ANKAR: variants seen among roughly 807,000 people sequenced by gnomAD.
ANKAR encodes ankyrin and armadillo repeat containing, also known as ankyrin and armadillo repeat-containing protein.
In ANKAR, 136 loss-of-function variants were observed where a neutral mutation model predicts 146.2. The ratio of observed to expected loss-of-function variants is 0.93; its 90% CI spans 0.81 to 1.07. ANKAR has a LOEUF of 1.07. Ranked by LOEUF, ANKAR falls within the 50% of genes least tolerant of loss-of-function variation. The pLI, the probability that ANKAR is intolerant of heterozygous loss-of-function variation, is 0.00. For synonymous variants in ANKAR, 500 were observed against 575.8 expected, an observed-to-expected ratio of 0.87 and a Z score of 1.88; for missense variants, 1,567 against 1,679.9, an observed-to-expected ratio of 0.93 and a Z score of 1.18.
chr2:189,723,131 G>A (rs2041500193), intron 12 of ANKAR, among the ~76,000 whole-genome samples: 1 of 152,102 alleles, frequency 6.6e-6, no homozygotes, highest in Non-Finnish European at 1.5e-5. Flanking sequence ...ATTAATTCCA[G>A]TGTCTTCTTT....
intron 18 of ANKAR, among the ~76,000 whole-genome samples, chr2:189,758,410 CACCCCCCCTCTCTCGG>C (rs1298507694): frequency 2.2e-4 from 34 of 151,858 alleles, no homozygotes; most frequent in African/African-American, 7.7e-4. Flanking sequence ...TGTAGCACCT[CACCCCCCCTCTCTCGG>C]TCCTGCTCCT....
chr2:189,750,265 G>T (rs1448435540), downstream of ANKAR, among the ~76,000 whole-genome samples: 1 of 152,006 alleles, frequency 6.6e-6, no homozygotes, highest in Non-Finnish European at 1.5e-5. Context: ...TATGATACAG[G>T]GCCAGAATTC....
At chr2:189,726,219 C>G (rs2041865325) in intron 12 of ANKAR, among the ~76,000 whole-genome samples, 1 of 152,128 alleles carries the variant, frequency 6.6e-6, no homozygotes, top group African/African-American at 2.4e-5. Flanking sequence ...GGGAAAATAG[C>G]AACTATACAG....
At chr2:189,722,314 G>A (rs2041359796) in intron 12 of ANKAR, among the ~76,000 whole-genome samples, 1 of 126,028 alleles carries the variant, frequency 7.9e-6, no homozygotes, top group African/African-American at 3.1e-5. Flanking sequence ...ACTCTAGCCT[G>A]GGCAACAGAG....
chr2:189,726,378 C>T (rs551629810), intron 12 of ANKAR, among the ~76,000 whole-genome samples: 4 of 152,042 alleles, frequency 2.6e-5, no homozygotes, highest in Non-Finnish European at 5.9e-5. Context: ...AACCCCTGGG[C>T]TCAAGCAGTC....
intron 17 of ANKAR, among the ~76,000 whole-genome samples, chr2:189,734,809 T>G: frequency 6.6e-6 from 1 of 151,678 alleles, no homozygotes; most frequent in East Asian, 1.9e-4. Flanking sequence ...ACTAAAGAGA[T>G]AAAAATTGGC....
intron 2 of ANKAR, among the ~76,000 whole-genome samples, chr2:189,677,549 C>T (rs989938660): frequency 1.3e-5 from 2 of 152,156 alleles, no homozygotes; most frequent in African/African-American, 2.4e-5. Flanking sequence ...ATTTGGCTTG[C>T]CATTCCTGAG....
chr2:189,730,353 G>A (rs2042292611), intron 15 of ANKAR, 142 bp from the exon 16 acceptor site: 1 of 403,442 alleles, frequency 2.5e-6, no homozygotes, highest in Non-Finnish European at 4.4e-6. Context: ...TATTAAAATA[G>A]TGTCAATATA....
At chr2:189,721,498 A>C (rs944537167) in intron 12 of ANKAR, among the ~76,000 whole-genome samples, 14 of 152,258 alleles carry the variant, frequency 9.2e-5, no homozygotes, top group African/African-American at 3.4e-4. Context: ...GCTATTTTGC[A>C]AGTGACAACA....
intron 9 of ANKAR, among the ~76,000 whole-genome samples, chr2:189,710,793 C>T (rs1045256030): frequency 3.3e-5 from 5 of 152,074 alleles, no homozygotes; most frequent in African/African-American, 1.2e-4. Flanking sequence ...CAGACTGAGA[C>T]CCCATTTCAA....
Position 189,743,458 on chromosome 2 carries a change from G to T in ANKAR, c.3994G>T (p.Gly1332Ter). Reference sequence around the variant, plus strand: ...ATTTCAAATGCAACAAACACTGGTGGGACTTCCTTCCTTAAGGTATGGTCC... The same window carrying T: ...ATTTCAAATGCAACAAACACTGGTGTGACTTCCTTCCTTAAGGTATGGTCC... ...KEFQMQQTLV[G>*]LPSLSLEKNG... is the part of the protein sequence containing the mutation. The change falls in exon 21 of 23, where the codon GGA (glycine) becomes TGA (stop). Residue 1332 changes from glycine (G) to a stop codon, truncating the protein, a stop_gained. Transcript: ENST00000684021. LOFTEE classifies it high-confidence loss of function. The T allele has an allele frequency of 6.2e-7, 1 of 1,613,434 alleles. No homozygotes were observed. The highest frequency in any genetic ancestry group is 1.1e-5 in the South Asian group (1 of 91,004).
intron 18 of ANKAR, among the ~76,000 whole-genome samples, chr2:189,758,411 AC>A (rs1341534893): frequency 2.0e-5 from 3 of 150,574 alleles, no homozygotes; most frequent in Admixed American, 6.6e-5. Context: ...GTAGCACCTC[AC>A]CCCCCCTCTC....
At chr2:189,719,040 C>T (rs568409640) in intron 10 of ANKAR, among the ~76,000 whole-genome samples, 102 of 152,286 alleles carry the variant, frequency 6.7e-4, no homozygotes, top group African/African-American at 1.4e-3. Flanking sequence ...TGAGCCACCG[C>T]GCCCGGCCTA....
intron 18 of ANKAR, among the ~76,000 whole-genome samples, chr2:189,760,330 C>T (rs553517934): frequency 1.2e-4 from 18 of 152,088 alleles, no homozygotes; most frequent in African/African-American, 2.2e-4. Context: ...CCAGAGGTGG[C>T]GGCCAGGCGG....
At chr2:189,696,419 C>G (rs2105573664) in intron 7 of ANKAR, 50 bp downstream of exon 7, 1 of 1,553,702 alleles carries the variant, frequency 6.4e-7, no homozygotes, top group East Asian at 2.3e-5. Context: ...TTTACCCTTA[C>G]TCAGCATTAG....
At chr2:189,722,094 C>T (rs1209136295) in intron 12 of ANKAR, among the ~76,000 whole-genome samples, 1 of 152,102 alleles carries the variant, frequency 6.6e-6, no homozygotes, top group Non-Finnish European at 1.5e-5. Flanking sequence ...CCTATAATCC[C>T]AGTATTTTGG....
At chr2:189,750,407 T>A, downstream of ANKAR, 1 of 453,152 alleles carries the variant, frequency 2.2e-6, no homozygotes, top group Non-Finnish European at 3.9e-6. Context: ...GTAAGACTTT[T>A]AACACATTAT....
At chr2:189,679,593 G>C (rs890119282) in intron 2 of ANKAR, among the ~76,000 whole-genome samples, 2 of 152,162 alleles carry the variant, frequency 1.3e-5, no homozygotes, top group African/African-American at 4.8e-5. Context: ...AATGTTGGCT[G>C]TGGGTTTGTT....
At chr2:189,710,121 A>G (rs1177966160) in intron 9 of ANKAR, among the ~76,000 whole-genome samples, 2 of 152,206 alleles carry the variant, frequency 1.3e-5, no homozygotes, top group Non-Finnish European at 2.9e-5. Context: ...GTAGAAGCTG[A>G]ATTTTAAAAG....
Sources: gnomAD v4.1 joint callset for allele counts (sites outside exome capture counted in the v4.1 genomes callset) on GRCh38, gnomAD v4.1.1 for gene constraint, MANE v1.5 for transcripts, NCBI Gene and HGNC (gene_info 2026-07-23, HGNC 2026-07-21) for gene names.